The following GOLIM4 variants were observed in gnomAD, a reference collection of about 807,000 sequenced individuals.
GOLIM4 encodes golgi integral membrane protein 4.
Under a neutral mutation model 107.4 loss-of-function variants are expected in GOLIM4, and 71 were observed. The observed-to-expected ratio is 0.66, with a 90% CI of 0.55 to 0.81. GOLIM4 has a LOEUF of 0.81. Among genes scored for constraint, GOLIM4 ranks in the 30% least tolerant of loss-of-function variants. The pLI is 0.00. For synonymous variants in GOLIM4, 327 were observed against 294.8 expected (o/e 1.11, Z -1.12); for missense variants, 830 against 826.1 (o/e 1.00, Z -0.06).
At chr3:168,085,453 G>A (rs1412811074) in intron 1 of GOLIM4, among the ~76,000 whole-genome samples, 3 of 152,216 alleles carry the variant, frequency 2.0e-5, no homozygotes, top group Non-Finnish European at 2.9e-5. Flanking sequence ...ATATATGAAT[G>A]TGGCTTTTGG....
chr3:168,084,867 A>C (rs181114276), intron 1 of GOLIM4, among the ~76,000 whole-genome samples: 1 of 152,188 alleles, frequency 6.6e-6, no homozygotes, highest in East Asian at 1.9e-4. Context: ...GTTTATGGAA[A>C]CTAAAAATTA....
intron 1 of GOLIM4, among the ~76,000 whole-genome samples, chr3:168,077,762 G>T (rs192870999): frequency 7.9e-5 from 12 of 152,106 alleles, no homozygotes; most frequent in Admixed American, 6.5e-4. Context: ...AACAGAATGA[G>T]AATTTTTTTA....
chr3:168,063,714 C>A (rs1350390436), intron 1 of GOLIM4, among the ~76,000 whole-genome samples: 1 of 101,950 alleles, frequency 9.8e-6, no homozygotes, highest in African/African-American at 4.1e-5. Flanking sequence ...TAAGAAAGGG[C>A]AGGGGAGTGG....
At chr3:168,064,293 T>TTGTC (rs1226628318) in intron 1 of GOLIM4, among the ~76,000 whole-genome samples, 1 of 152,224 alleles carries the variant, frequency 6.6e-6, no homozygotes, top group Non-Finnish European at 1.5e-5. Context: ...GATCTGCAAA[T>TTGTC]TGTCATCTCG....
intron 14 of GOLIM4, among the ~76,000 whole-genome samples, chr3:168,019,519 T>C (rs1717566879): frequency 6.6e-6 from 1 of 152,194 alleles, no homozygotes. Flanking sequence ...TGGTATATTC[T>C]AATCATGATT....
intron 5 of GOLIM4, 126 bp downstream of exon 5, chr3:168,043,253 G>T: frequency 1.5e-6 from 1 of 652,550 alleles, no homozygotes; most frequent in Non-Finnish European, 2.5e-6. Context: ...AAGAAAAAGT[G>T]ACTGGTAAAG....
At chr3:168,087,587 G>A (rs983252798) in intron 1 of GOLIM4, among the ~76,000 whole-genome samples, 2 of 152,002 alleles carry the variant, frequency 1.3e-5, no homozygotes, top group African/African-American at 2.4e-5. Context: ...TAGTACACCC[G>A]TTATTTCTGA....
intron 7 of GOLIM4, among the ~76,000 whole-genome samples, chr3:168,039,276 T>C (rs1400766920): frequency 6.6e-6 from 1 of 150,836 alleles, no homozygotes; most frequent in Admixed American, 6.6e-5. Flanking sequence ...TTTTTTTTTT[T>C]TTTTGAGATG....
At position 168,009,741 on chromosome 3, in the gene GOLIM4, G is replaced by C. The variant is rs1716882647; in HGVS notation, c.*528C>G. ...AACAAAAATGGATTTCCAATTGTATGTCACTTTGTACATAGATCTCACTCC... is the reference window on the plus strand; with the variant it reads ...AACAAAAATGGATTTCCAATTGTATCTCACTTTGTACATAGATCTCACTCC... On this transcript the variant is annotated 3_prime_UTR_variant, in exon 16 of 16. Transcript: ENST00000470487. 6.6e-6 allele frequency: 1 copy of C among 152,182 alleles called. No individual in the cohort carries two copies. 9.4% of individuals were successfully genotyped at this position (152,182 alleles called of 1,614,324 possible).
intron 1 of GOLIM4, among the ~76,000 whole-genome samples, chr3:168,051,073 C>A (rs1418301384): frequency 6.6e-6 from 1 of 151,994 alleles, no homozygotes; most frequent in Non-Finnish European, 1.5e-5. Flanking sequence ...CTTTTGCAAA[C>A]TTAATATTGT....
chr3:168,087,276 T>C (rs903695193), intron 1 of GOLIM4, among the ~76,000 whole-genome samples: 4 of 152,162 alleles, frequency 2.6e-5, no homozygotes, highest in African/African-American at 4.8e-5. Context: ...ATTTTAAAAT[T>C]AAATACAATA....
chr3:168,063,966 TA>T (rs1258921544), intron 1 of GOLIM4, among the ~76,000 whole-genome samples: 2 of 152,212 alleles, frequency 1.3e-5, no homozygotes, highest in Non-Finnish European at 2.9e-5. Context: ...TGATGTGACA[TA>T]AAGAGGATTT....
In GOLIM4 at chr3:168,048,368, G is replaced by C. The variant is rs1445961800; in HGVS notation, c.188-3C>G. 7.0e-7 allele frequency: 1 copy of C among 1,418,618 alleles called. No homozygotes were observed. The highest frequency in any genetic ancestry group is 9.7e-7 in the Non-Finnish European group (1 of 1,028,918). The allele number at this position is 1,418,618 out of a possible 1,614,324, so 87.9% of individuals were successfully genotyped here. A position where few individuals can be genotyped will look rare whatever the true frequency, so the allele number is the denominator to read the frequency against. On this transcript the variant is annotated splice_region_variant and splice_polypyrimidine_tract_variant and intron_variant, in intron 1 of 15. Transcript: ENST00000470487. The stretch of plus-strand genomic sequence containing the variant: ...TCTTGATCTGTGTTCATATACAACT[G>C]GAAAAAAAGTTAACATTTTTGTCTT...
At position 168,066,581 on chromosome 3, in the gene GOLIM4, G is replaced by A. The variant is rs533408579; in HGVS notation, c.188-18216C>T. ...CACTATGAGGTAAAGTATACTTGTA[G>A]ATGAGTGTTCATATATTCAGAAAAA... is the stretch of plus-strand genomic sequence containing the variant. On this transcript the variant is annotated intron_variant, in intron 1 of 15. Transcript: ENST00000470487. Among the ~76,000 whole-genome samples, 3 of 152,192 alleles carry A rather than the reference G, an allele frequency of 2.0e-5. No homozygotes were observed. The South Asian group carries it at 6.2e-4, about 32-fold the overall frequency.
rs561387321 is a variant in GOLIM4, at chr3:168,016,172, A to C, written c.1861-5349T>G. Among the ~76,000 whole-genome samples, 19 of 134,818 alleles carry C rather than the reference A, an allele frequency of 1.4e-4. 1 individual carries two copies. In the East Asian group the frequency reaches 3.6e-3, roughly 25 times the overall value. 88.4% of individuals were successfully genotyped at this position (134,818 alleles called of 152,430 possible). ...CAAATGGCTAATATCCAGAATCTACAATGAACTCAAACAAATTTACAAGAA... is the reference window on the plus strand; with the variant it reads ...CAAATGGCTAATATCCAGAATCTACCATGAACTCAAACAAATTTACAAGAA... On this transcript the variant is annotated intron_variant, in intron 14 of 15. Coordinates refer to ENST00000470487, the MANE Select transcript of GOLIM4 (RefSeq NM_014498.5).
chr3:168,051,325 AACTGAATCATACAACTGTCTTTGACAGTT>A (rs1719633139), intron 1 of GOLIM4, among the ~76,000 whole-genome samples: 1 of 152,224 alleles, frequency 6.6e-6, no homozygotes, highest in African/African-American at 2.4e-5. Flanking sequence ...CCATTTATCA[AACTGAATCATACAACTGTCTTTGACAGTT>A]CCACACTAAA....
chr3:168,020,939 T>C lies in GOLIM4; in HGVS notation c.1860+3587A>G, dbSNP rs189838623. On this transcript the variant is annotated intron_variant, in intron 14 of 15. Transcript: ENST00000470487. ...AGCCAAATGATATTCTTTTATAATG[T>C]AGACATACAGATTATGTCTCCCACA... Among the ~76,000 whole-genome samples, 209 of 152,350 alleles carry C rather than the reference T, an allele frequency of 1.4e-3. 1 individual carries two copies. The highest frequency in any genetic ancestry group is 4.8e-3 in the African/African-American group (198 of 41,586).
intron 8 of GOLIM4, among the ~76,000 whole-genome samples, chr3:168,036,525 T>C (rs1577524505): frequency 1.3e-5 from 2 of 152,030 alleles, no homozygotes; most frequent in East Asian, 3.9e-4. Flanking sequence ...CTGGACGACG[T>C]AGCATGACAC....
At chr3:168,054,407 T>G (rs749397336) in intron 1 of GOLIM4, among the ~76,000 whole-genome samples, 2 of 152,176 alleles carry the variant, frequency 1.3e-5, no homozygotes, top group Non-Finnish European at 2.9e-5. Flanking sequence ...CTACTGCCTT[T>G]CCTTGAGCCT....
Sources: gnomAD v4.1 joint callset for allele counts (sites outside exome capture counted in the v4.1 genomes callset) on GRCh38, gnomAD v4.1.1 for gene constraint, MANE v1.5 for transcripts, NCBI Gene and HGNC (gene_info 2026-07-23, HGNC 2026-07-21) for gene names.